PALM2AKAP2: variants seen among roughly 807,000 people sequenced by gnomAD.
PALM2AKAP2 encodes the protein PALM2 and AKAP2 fusion.
PALM2AKAP2 carries 37 observed loss-of-function variants against 71.5 expected under a neutral mutation model. That is an observed-to-expected ratio of 0.52 (90% CI 0.40 to 0.68). The LOEUF is 0.68. PALM2AKAP2 is among the 30% of genes least tolerant of loss of function. PALM2AKAP2 has a pLI of 0.00. For synonymous variants in PALM2AKAP2, 468 were observed against 478.8 expected, an observed-to-expected ratio of 0.98 and a Z score of 0.29; for missense variants, 1,224 against 1,191.8, an observed-to-expected ratio of 1.03 and a Z score of -0.40.
At chr9:109,818,537 A>C (rs2131475789) in intron 1 of PALM2AKAP2, among the ~76,000 whole-genome samples, 1 of 152,370 alleles carries the variant, frequency 6.6e-6, no homozygotes, top group South Asian at 2.1e-4. Flanking sequence ...CTGTATTGAT[A>C]AGAAGGTAAA....
At chr9:109,675,275 C>T (rs1827632842) in intron 1 of PALM2AKAP2, among the ~76,000 whole-genome samples, 1 of 151,540 alleles carries the variant, frequency 6.6e-6, no homozygotes. Flanking sequence ...GCCCACTGCT[C>T]TTTCAATTGC....
intron 1 of PALM2AKAP2, among the ~76,000 whole-genome samples, chr9:109,827,988 T>C (rs1201317188): frequency 6.6e-6 from 1 of 152,216 alleles, no homozygotes. Context: ...AGAGCCAGCT[T>C]TTATTGAGTA....
intron 6 of PALM2AKAP2, among the ~76,000 whole-genome samples, chr9:109,994,725 C>T (rs10816912): frequency 0.28 from 43,218 of 152,010 alleles, 7,750 homozygotes; most frequent in Non-Finnish European, 0.41. Flanking sequence ...TCCGCCACCC[C>T]ACACCCACAG....
chr9:109,978,354 C>A (rs1832207805), intron 6 of PALM2AKAP2, among the ~76,000 whole-genome samples: 1 of 152,136 alleles, frequency 6.6e-6, no homozygotes, highest in Non-Finnish European at 1.5e-5. Flanking sequence ...TGGATGGGCT[C>A]ATCTATTCAC....
intron 3 of PALM2AKAP2, among the ~76,000 whole-genome samples, chr9:109,893,453 G>GTTTTGTTTTC (rs1830132452): frequency 2.6e-5 from 4 of 152,220 alleles, no homozygotes; most frequent in Admixed American, 2.6e-4. Flanking sequence ...GTTTTGTTTT[G>GTTTTGTTTTC]TTTTGTTTTT....
At chr9:110,007,555 G>A (rs1285110820) in intron 6 of PALM2AKAP2, among the ~76,000 whole-genome samples, 2 of 152,198 alleles carry the variant, frequency 1.3e-5, no homozygotes, top group Admixed American at 1.3e-4. Flanking sequence ...GGGTTTTAGT[G>A]AGGTATGACA....
At chr9:109,799,589 G>T (rs922365432) in intron 1 of PALM2AKAP2, among the ~76,000 whole-genome samples, 1 of 152,166 alleles carries the variant, frequency 6.6e-6, no homozygotes, top group Non-Finnish European at 1.5e-5. Flanking sequence ...GACCACCTGC[G>T]CTCAAGTGAT....
chr9:110,171,782 T>C (rs559844576), exon 4 of PALM2AKAP2: 1 of 152,794 alleles, frequency 6.5e-6, no homozygotes, highest in Admixed American at 6.5e-5. Context: ...GTTTAGATTC[T>C]GTAGGTGTTA....
chr9:110,031,898 G>T (rs954710084), intron 7 of PALM2AKAP2, among the ~76,000 whole-genome samples: 1 of 152,064 alleles, frequency 6.6e-6, no homozygotes, highest in African/African-American at 2.4e-5. Flanking sequence ...GATAAGATTT[G>T]ATTTTCATCC....
intron 1 of PALM2AKAP2, among the ~76,000 whole-genome samples, chr9:109,795,215 C>T (rs549540137): frequency 6.6e-6 from 1 of 152,256 alleles, no homozygotes; most frequent in Admixed American, 6.5e-5. Flanking sequence ...AAGAAGGTCT[C>T]CAGACATTGC....
intron 6 of PALM2AKAP2, among the ~76,000 whole-genome samples, chr9:109,936,386 T>C (rs952561571): frequency 1.3e-5 from 2 of 152,220 alleles, no homozygotes; most frequent in African/African-American, 2.4e-5. Flanking sequence ...GGAGAACCCA[T>C]TCTGAATTAA....
chr9:109,832,408 T>A lies in PALM2AKAP2; in HGVS notation c.46-35083T>A, dbSNP rs115356466. On this transcript the variant is annotated intron_variant, in intron 1 of 9. Coordinates refer to the PALM2AKAP2 transcript ENST00000302798. ...TGTTGTGAGGTGTGAACGAGCCATT[T>A]GTGTCAGAACATAGCACAGTGCTGG... is the stretch of plus-strand genomic sequence containing the variant. Among the ~76,000 whole-genome samples the A allele has an allele frequency of 2.7e-3, 410 of 152,336 alleles. 6 individuals are homozygous for A. Among genetic ancestry groups the A allele is most frequent in the African/African-American group, 9.4e-3 (390 of 41,572 alleles).
intron 1 of PALM2AKAP2, among the ~76,000 whole-genome samples, chr9:109,781,998 T>C (rs1178212797): frequency 6.6e-6 from 1 of 152,202 alleles, no homozygotes; most frequent in Non-Finnish European, 1.5e-5. Flanking sequence ...GCTTTAACTG[T>C]TGATGCAGTG....
intron 1 of PALM2AKAP2, among the ~76,000 whole-genome samples, chr9:110,079,123 C>T (rs1225039135): frequency 1.3e-5 from 2 of 152,086 alleles, no homozygotes; most frequent in Non-Finnish European, 2.9e-5. Context: ...TGATGAAGTA[C>T]CTCAAAAATC....
chr9:109,812,776 T>C (rs753269615), intron 1 of PALM2AKAP2, among the ~76,000 whole-genome samples: 3 of 152,204 alleles, frequency 2.0e-5, no homozygotes. Flanking sequence ...CATGAGACTG[T>C]ACCAGGCCAT....
At chr9:109,744,477 AT>A (rs1226242661) in intron 1 of PALM2AKAP2, among the ~76,000 whole-genome samples, 2 of 152,126 alleles carry the variant, frequency 1.3e-5, no homozygotes, top group Non-Finnish European at 2.9e-5. Context: ...TCGGAGCCTA[AT>A]TTTCTTCATC....
At chr9:109,751,364 T>C (rs1194804335) in intron 1 of PALM2AKAP2, among the ~76,000 whole-genome samples, 1 of 152,188 alleles carries the variant, frequency 6.6e-6, no homozygotes, top group Non-Finnish European at 1.5e-5. Flanking sequence ...CTGTTGATTT[T>C]ACAGCTCTCC....
In PALM2AKAP2 at chr9:109,724,500, A is replaced by G. The variant is rs561519543; in HGVS notation, c.6-55988A>G. On this transcript the variant is annotated intron_variant, in intron 1 of 6. Coordinates refer to the PALM2AKAP2 transcript ENST00000374531. ...AGATCAAAAGACACCAAATAAATTT[A>G]TGGTAACTAAAACAGTAAGGTACTA... 6.9e-5 allele frequency among the ~76,000 whole-genome samples: 10 copies of G among 144,232 alleles called. No homozygotes were observed. In the East Asian group the frequency reaches 2.0e-3, roughly 29 times the overall value. 94.6% of individuals were successfully genotyped at this position (144,232 alleles called of 152,430 possible).
Position 110,019,280 on chromosome 9 carries a change from C to G in PALM2AKAP2, c.582+3241C>G, listed in dbSNP as rs575425401. On this transcript the variant is annotated intron_variant, in intron 7 of 9. Coordinates refer to the PALM2AKAP2 transcript ENST00000302798. ...AAAAAAGAGAGATACCATCTCACACCAGTCAGAATGGCCATTATTAAAAAG... is the reference window on the plus strand; with the variant it reads ...AAAAAAGAGAGATACCATCTCACACGAGTCAGAATGGCCATTATTAAAAAG... Among the ~76,000 whole-genome samples the G allele has an allele frequency of 9.3e-5, 14 of 150,830 alleles. No individual in the cohort carries two copies. The East Asian group carries it at 2.7e-3, about 29-fold the overall frequency.
Sources: allele counts gnomAD v4.1 joint callset (sites outside exome capture counted in the v4.1 genomes callset), GRCh38; gene constraint gnomAD v4.1.1; transcripts MANE v1.5; gene names NCBI Gene and HGNC (gene_info 2026-07-23, HGNC 2026-07-21).